DPP10: variants seen among roughly 807,000 people sequenced by gnomAD.
DPP10 encodes the protein inactive dipeptidyl peptidase 10.
In DPP10, 33 loss-of-function variants were observed where a neutral mutation model predicts 120.9. That is an observed-to-expected ratio of 0.27 (90% CI 0.21 to 0.37). The LOEUF (loss-of-function observed/expected upper bound fraction) is 0.37, where lower values mean the gene tolerates loss of function less well. DPP10 is among the 10% of genes least tolerant of loss of function. The pLI, the probability that DPP10 is intolerant of heterozygous loss-of-function variation, is 1.00. For synonymous variants in DPP10, 337 were observed against 326.1 expected, an observed-to-expected ratio of 1.03 and a Z score of -0.36; for missense variants, 816 against 942.8, an observed-to-expected ratio of 0.87 and a Z score of 1.76.
At chr2:114,874,284 T>A (rs532109302) in intron 1 of DPP10, among the ~76,000 whole-genome samples, 8 of 152,138 alleles carry the variant, frequency 5.3e-5, no homozygotes, top group Non-Finnish European at 8.8e-5. Context: ...TAGAAGAGGA[T>A]CAACTGCTCG....
intron 1 of DPP10, among the ~76,000 whole-genome samples, chr2:115,105,802 A>G (rs1419914390): frequency 6.6e-6 from 1 of 152,248 alleles, no homozygotes; most frequent in Non-Finnish European, 1.5e-5. Flanking sequence ...AAGCAGGCAC[A>G]TCTGATGAAT....
At chr2:115,654,500 C>A (rs1420289634) in intron 5 of DPP10, among the ~76,000 whole-genome samples, 1 of 151,758 alleles carries the variant, frequency 6.6e-6, no homozygotes, top group Non-Finnish European at 1.5e-5. Context: ...TATACAAAAA[C>A]AGAAAGATCA....
intron 21 of DPP10, among the ~76,000 whole-genome samples, chr2:115,826,976 A>G (rs1688381938): frequency 6.6e-6 from 1 of 152,016 alleles, no homozygotes; most frequent in African/African-American, 2.4e-5. Flanking sequence ...TAGCTCTTTC[A>G]CCTTTAATGT....
intron 3 of DPP10, among the ~76,000 whole-genome samples, chr2:115,431,983 G>A (rs1203296956): frequency 2.0e-5 from 3 of 152,048 alleles, no homozygotes; most frequent in Non-Finnish European, 2.9e-5. Context: ...CAAGGGAAAC[G>A]GGAAATCTGT....
At chr2:115,563,466 A>G (rs1295509945) in intron 5 of DPP10, among the ~76,000 whole-genome samples, 1 of 152,182 alleles carries the variant, frequency 6.6e-6, no homozygotes, top group East Asian at 1.9e-4. Flanking sequence ...GAGAAAATGG[A>G]AAGGCAAATA....
At chr2:114,994,169 A>G (rs1225062328) in intron 1 of DPP10, among the ~76,000 whole-genome samples, 1 of 152,172 alleles carries the variant, frequency 6.6e-6, no homozygotes, top group East Asian at 1.9e-4. Flanking sequence ...GGCTCTGCAC[A>G]ATCTGGTGAT....
At chr2:114,572,873 C>T (rs1689763019) in intron 1 of DPP10, among the ~76,000 whole-genome samples, 1 of 152,356 alleles carries the variant, frequency 6.6e-6, no homozygotes, top group African/African-American at 2.4e-5. Context: ...AGCCTGTGCT[C>T]TTTCTACTCT....
chr2:115,417,460 C>T (rs1374508904), intron 3 of DPP10, among the ~76,000 whole-genome samples: 1 of 152,064 alleles, frequency 6.6e-6, no homozygotes, highest in African/African-American at 2.4e-5. Context: ...TCAACATTAA[C>T]AATAAATGTT....
At chr2:114,944,248 T>C (rs1169518952) in intron 1 of DPP10, among the ~76,000 whole-genome samples, 4 of 152,136 alleles carry the variant, frequency 2.6e-5, no homozygotes, top group Non-Finnish European at 4.4e-5. Context: ...TTCACATTTA[T>C]AGACCCTACA....
At chr2:114,935,932 C>A (rs1696429741) in intron 1 of DPP10, among the ~76,000 whole-genome samples, 1 of 151,574 alleles carries the variant, frequency 6.6e-6, no homozygotes. Context: ...GTTTTCCTGG[C>A]ATATTTTCTT....
chr2:115,362,875 C>T (rs949341930), intron 3 of DPP10, among the ~76,000 whole-genome samples: 2 of 152,122 alleles, frequency 1.3e-5, no homozygotes, highest in African/African-American at 4.8e-5. Context: ...TAGCTCTTTG[C>T]TCTTTGATTT....
intron 1 of DPP10, among the ~76,000 whole-genome samples, chr2:114,685,516 C>G (rs1285223771): frequency 6.6e-6 from 1 of 151,992 alleles, no homozygotes; most frequent in Non-Finnish European, 1.5e-5. Flanking sequence ...TTTTCCGGAA[C>G]TCCAGAATTA....
chr2:114,866,052 C>G (rs1242882953), intron 1 of DPP10, among the ~76,000 whole-genome samples: 4 of 151,822 alleles, frequency 2.6e-5, no homozygotes, highest in Non-Finnish European at 1.5e-5. Flanking sequence ...GCGGAGGTTG[C>G]AGTGAGCTGA....
intron 1 of DPP10, among the ~76,000 whole-genome samples, chr2:114,973,792 A>G (rs1176730978): frequency 2.0e-5 from 3 of 152,012 alleles, no homozygotes; most frequent in African/African-American, 7.2e-5. Flanking sequence ...AAGACTTTCC[A>G]GTGGGACAAG....
At chr2:114,897,909 A>T (rs909874323) in intron 1 of DPP10, among the ~76,000 whole-genome samples, 10 of 151,958 alleles carry the variant, frequency 6.6e-5, no homozygotes, top group African/African-American at 2.4e-4. Flanking sequence ...GGGACTGTAA[A>T]CTAGTTCAAC....
At chr2:114,932,392 C>T (rs192800643) in intron 1 of DPP10, among the ~76,000 whole-genome samples, 2 of 152,234 alleles carry the variant, frequency 1.3e-5, no homozygotes, top group East Asian at 1.9e-4. Flanking sequence ...CATCATGGCC[C>T]ATGGCTGAAA....
At chr2:115,365,274 C>T (rs1196619434) in intron 3 of DPP10, among the ~76,000 whole-genome samples, 8 of 151,812 alleles carry the variant, frequency 5.3e-5, no homozygotes, top group Admixed American at 5.3e-4. Context: ...TCCAGTGTTG[C>T]CCAACTACAA....
intron 1 of DPP10, among the ~76,000 whole-genome samples, chr2:114,622,414 T>A (rs1202338072): frequency 6.6e-6 from 1 of 151,964 alleles, no homozygotes; most frequent in Non-Finnish European, 1.5e-5. Context: ...ATCTTTTTTT[T>A]TTTTTTGCTT....
At chr2:114,936,941 C>T (rs1696531870) in intron 1 of DPP10, among the ~76,000 whole-genome samples, 1 of 152,000 alleles carries the variant, frequency 6.6e-6, no homozygotes, top group African/African-American at 2.4e-5. Flanking sequence ...GTGGGACTGT[C>T]TGGTTTTCTT....
Sources: allele counts gnomAD v4.1 joint callset (sites outside exome capture counted in the v4.1 genomes callset), GRCh38; gene constraint gnomAD v4.1.1; transcripts MANE v1.5; gene names NCBI Gene and HGNC (gene_info 2026-07-23, HGNC 2026-07-21).